Variants in SHISA6 observed in about 807,000 individuals in gnomAD.
SHISA6 encodes protein shisa-6.
In SHISA6, 22 loss-of-function variants were observed where a neutral mutation model predicts 47.9. The ratio of observed to expected loss-of-function variants is 0.46; its 90% CI spans 0.33 to 0.66. SHISA6 has a LOEUF of 0.66. Among genes scored for constraint, SHISA6 ranks in the 30% least tolerant of loss-of-function variants. The pLI is 0.02. For synonymous variants in SHISA6, 388 were observed against 337.8 expected, an observed-to-expected ratio of 1.15 and a Z score of -1.63; for missense variants, 680 against 764.6, an observed-to-expected ratio of 0.89 and a Z score of 1.30.
Position 11,256,213 on chromosome 17 carries a change from G to A in SHISA6, c.639-7153G>A, listed in dbSNP as rs184613447. Among the ~76,000 whole-genome samples, 33 of 152,228 alleles carry A rather than the reference G, an allele frequency of 2.2e-4. No homozygotes were observed. In the East Asian group the frequency reaches 5.4e-3, roughly 25 times the overall value. On this transcript the variant is annotated intron_variant, in intron 1 of 5. Coordinates refer to ENST00000441885, the MANE Select transcript of SHISA6 (RefSeq NM_207386.4). Reference sequence around the variant, plus strand: ...CATTGCAAATAAAGAAAATAACACCGGCCGGGCACGGTGGCTCACACCTGT... The same window carrying A: ...CATTGCAAATAAAGAAAATAACACCAGCCGGGCACGGTGGCTCACACCTGT...
At chr17:11,253,477 T>C (rs1381357383) in intron 1 of SHISA6, among the ~76,000 whole-genome samples, 1 of 152,226 alleles carries the variant, frequency 6.6e-6, no homozygotes, top group African/African-American at 2.4e-5. Flanking sequence ...ATCATTCTTA[T>C]CTATTCATTG....
Position 11,262,517 on chromosome 17 carries a change from G to A in SHISA6, c.639-849G>A, listed in dbSNP as rs144490176. On this transcript the variant is annotated intron_variant, in intron 1 of 5. Transcript: ENST00000441885. ...CCTGTTTGAAAGCAAATAGGAGAGC[G>A]ATTCCCCCTAAATTATGAACCCCTA... Among the ~76,000 whole-genome samples, 1,135 of 152,254 alleles carry A rather than the reference G, an allele frequency of 7.5e-3. 7 individuals carry two copies. The highest frequency in any genetic ancestry group is 0.013 in the Non-Finnish European group (870 of 68,024).
At chr17:11,299,595 G>A (rs554878231) in intron 2 of SHISA6, among the ~76,000 whole-genome samples, 8 of 152,232 alleles carry the variant, frequency 5.3e-5, no homozygotes, top group African/African-American at 1.9e-4. Flanking sequence ...AGGCTCTAGG[G>A]GAGAATCGAT....
chr17:11,348,705 A>G (rs1408752943), intron 2 of SHISA6, among the ~76,000 whole-genome samples: 1 of 152,040 alleles, frequency 6.6e-6, no homozygotes, highest in Non-Finnish European at 1.5e-5. Context: ...CCTTCATAAG[A>G]AACAAGTTCA....
At chr17:11,552,771 G>C (rs2071942258) in intron 4 of SHISA6, among the ~76,000 whole-genome samples, 1 of 152,204 alleles carries the variant, frequency 6.6e-6, no homozygotes, top group South Asian at 2.1e-4. Flanking sequence ...AGGAGGAAGA[G>C]ATTGGAATAT....
chr17:11,409,212 T>C (rs992825047), intron 3 of SHISA6, among the ~76,000 whole-genome samples: 11 of 152,260 alleles, frequency 7.2e-5, no homozygotes, highest in Admixed American at 6.5e-4. Context: ...AAAAGACACA[T>C]ACCTAATTAA....
rs200230465 is a variant in SHISA6 at position 11,314,529 on chromosome 17, A to ATTT, written c.799+51008_799+51010dup. Among the ~76,000 whole-genome samples the ATTT allele has an allele frequency of 4.5e-4, 65 of 143,720 alleles. 1 individual carries two copies. Among genetic ancestry groups the ATTT allele is most frequent in the South Asian group, 2.3e-3 (10 of 4,284 alleles). The allele number at this position is 143,720 out of a possible 152,430, so 94.3% of individuals were successfully genotyped here. On this transcript the variant is annotated intron_variant, in intron 2 of 5. Coordinates refer to ENST00000441885, the MANE Select transcript of SHISA6 (RefSeq NM_207386.4). ...TTACGTCATTCCATACTGTTTTTTC[A>ATTT]TTTTTTTGTTTTTTTTTTTTTTTGA...
rs2142396098 is a variant in SHISA6 at position 11,561,138 on chromosome 17, C to T, written c.*2834C>T. Reference sequence around the variant, plus strand: ...TAGCAGATAAAAGAGGCTTCTGGGGCTGGAACCTAGATGCCATGATTTCTA... The same window carrying T: ...TAGCAGATAAAAGAGGCTTCTGGGGTTGGAACCTAGATGCCATGATTTCTA... On this transcript the variant is annotated 3_prime_UTR_variant, in exon 6 of 6. Transcript: ENST00000441885. The T allele has an allele frequency of 6.6e-6, 1 of 152,312 alleles. No homozygotes were observed. The highest frequency in any genetic ancestry group is 6.5e-5 in the Admixed American group (1 of 15,294). 9.4% of individuals were successfully genotyped at this position (152,312 alleles called of 1,614,324 possible). A position where few individuals can be genotyped will look rare whatever the true frequency, so the allele number is the denominator to read the frequency against.
intron 3 of SHISA6, among the ~76,000 whole-genome samples, chr17:11,519,080 C>A (rs1174550788): frequency 6.6e-6 from 1 of 152,192 alleles, no homozygotes; most frequent in Non-Finnish European, 1.5e-5. Context: ...TTCCCCTCTC[C>A]CTCCTTCACC....
chr17:11,552,067 G>C, intron 4 of SHISA6, 115 bp downstream of exon 4: 1 of 1,097,486 alleles, frequency 9.1e-7, no homozygotes, highest in Non-Finnish European at 1.3e-6. Flanking sequence ...TGAAGCTAAG[G>C]AGGTCCAAGG....
rs1415356731 is a variant in SHISA6, at chr17:11,563,373, GTC to G, written c.*5070_*5071del. ...CATCCTAGTACCTTTGTAGCCCTTCGTCATGACACTACCGTCCTCCCGGTGAA... is the reference window on the plus strand; with the variant it reads ...CATCCTAGTACCTTTGTAGCCCTTCGATGACACTACCGTCCTCCCGGTGAA... On this transcript the variant is annotated 3_prime_UTR_variant, in exon 6 of 6. Coordinates refer to ENST00000441885, the MANE Select transcript of SHISA6 (RefSeq NM_207386.4). 6.6e-6 allele frequency: 1 copy of G among 152,178 alleles called. No individual in the cohort carries two copies. The highest frequency in any genetic ancestry group is 2.4e-5 in the African/African-American group (1 of 41,442). The allele number at this position is 152,178 out of a possible 1,614,324, so 9.4% of individuals were successfully genotyped here. A position where few individuals can be genotyped will look rare whatever the true frequency, so the allele number is the denominator to read the frequency against.
At chr17:11,297,663 G>A (rs1182011591) in intron 2 of SHISA6, among the ~76,000 whole-genome samples, 1 of 152,204 alleles carries the variant, frequency 6.6e-6, no homozygotes, top group Non-Finnish European at 1.5e-5. Context: ...TACAGCCTTT[G>A]TTCTTAGTAT....
At chr17:11,440,008 C>T (rs1915054659) in intron 3 of SHISA6, among the ~76,000 whole-genome samples, 1 of 152,278 alleles carries the variant, frequency 6.6e-6, no homozygotes, top group Admixed American at 6.5e-5. Flanking sequence ...GTAGGGTGCA[C>T]CCCAAATAAA....
intron 3 of SHISA6, among the ~76,000 whole-genome samples, chr17:11,491,365 A>G (rs1439895231): frequency 1.3e-5 from 2 of 152,082 alleles, no homozygotes; most frequent in Non-Finnish European, 2.9e-5. Context: ...GGGAGGGACA[A>G]TCACGGCCCA....
At chr17:11,284,319 G>A (rs1248828445) in intron 2 of SHISA6, among the ~76,000 whole-genome samples, 6 of 152,166 alleles carry the variant, frequency 3.9e-5, no homozygotes, top group Non-Finnish European at 8.8e-5. Context: ...CAGAGAACCA[G>A]ATGTTTTCCA....
chr17:11,259,972 A>G (rs1415915937), intron 1 of SHISA6, among the ~76,000 whole-genome samples: 2 of 152,234 alleles, frequency 1.3e-5, no homozygotes, highest in Admixed American at 1.3e-4. Context: ...AAATTGTGGT[A>G]ATAATAGCTG....
chr17:11,529,668 A>G (rs1379228624), intron 3 of SHISA6, among the ~76,000 whole-genome samples: 1 of 152,208 alleles, frequency 6.6e-6, no homozygotes, highest in East Asian at 1.9e-4. Flanking sequence ...ACCATAGAGG[A>G]AAATACTGAT....
chr17:11,539,650 G>A (rs180990109), intron 3 of SHISA6, among the ~76,000 whole-genome samples: 59 of 152,340 alleles, frequency 3.9e-4, no homozygotes, highest in Admixed American at 7.2e-4. Context: ...GCTGCTGGTG[G>A]TCCACATGCT....
At chr17:11,529,989 G>T (rs2071718577) in intron 3 of SHISA6, among the ~76,000 whole-genome samples, 1 of 152,050 alleles carries the variant, frequency 6.6e-6, no homozygotes. Flanking sequence ...TACGTTTCTA[G>T]TTGGCAGTGA....
Sources: gnomAD v4.1 joint callset for allele counts (sites outside exome capture counted in the v4.1 genomes callset) on GRCh38, gnomAD v4.1.1 for gene constraint, MANE v1.5 for transcripts, NCBI Gene and HGNC (gene_info 2026-07-23, HGNC 2026-07-21) for gene names.